TENM2: variants seen among roughly 807,000 people sequenced by gnomAD.
The protein encoded by TENM2 is teneurin-2.
Under a neutral mutation model 245.2 loss-of-function variants are expected in TENM2, and 52 were observed. The observed-to-expected ratio is 0.21, with a 90% confidence interval of 0.17 to 0.27. TENM2 has a LOEUF of 0.27. Among genes scored for constraint, TENM2 ranks in the 10% least tolerant of loss-of-function variants. The pLI, the probability that TENM2 is intolerant of heterozygous loss-of-function variation, is 1.00. For missense variants in TENM2, 3,046 were observed against 3,666.8 expected, an observed-to-expected ratio of 0.83 and a Z score of 4.37; for synonymous variants, 1,363 against 1,438.9, an observed-to-expected ratio of 0.95 and a Z score of 1.19.
chr5:167,435,254 A>T (rs1764479387), intron 2 of TENM2, among the ~76,000 whole-genome samples: 2 of 152,222 alleles, frequency 1.3e-5, no homozygotes, highest in Non-Finnish European at 2.9e-5. Context: ...CCCAAGTCTC[A>T]TCTTGAACTG....
At chr5:168,009,931 C>T (rs1045705694) in intron 5 of TENM2, among the ~76,000 whole-genome samples, 13 of 152,138 alleles carry the variant, frequency 8.5e-5, no homozygotes, top group Non-Finnish European at 1.9e-4. Context: ...CATTTCTAAG[C>T]TCAGTTAGGT....
At chr5:167,135,850 A>G in the TENM2 span, among the ~76,000 whole-genome samples, 2 of 152,238 alleles carry the variant, frequency 1.3e-5, no homozygotes, top group African/African-American at 4.8e-5. Context: ...ATATTCTTGC[A>G]GAACCATATA....
intron 2 of TENM2, among the ~76,000 whole-genome samples, chr5:167,782,625 C>G (rs1232386756): frequency 2.0e-5 from 3 of 152,086 alleles, no homozygotes; most frequent in African/African-American, 7.2e-5. Flanking sequence ...GTTTTTGGCA[C>G]TTGGAGCAAA....
At chr5:167,997,482 T>G (rs953951704) in intron 5 of TENM2, among the ~76,000 whole-genome samples, 1 of 152,168 alleles carries the variant, frequency 6.6e-6, no homozygotes, top group East Asian at 1.9e-4. Flanking sequence ...CCAGTTGTCT[T>G]GTGTTATAGA....
chr5:167,141,282 G>T, the TENM2 span, among the ~76,000 whole-genome samples: 1 of 152,090 alleles, frequency 6.6e-6, no homozygotes, highest in Non-Finnish European at 1.5e-5. Context: ...TAGCAGATGT[G>T]GCCTAAACTA....
intron 2 of TENM2, among the ~76,000 whole-genome samples, chr5:167,664,829 G>T (rs1222944238): frequency 6.6e-6 from 1 of 152,138 alleles, no homozygotes; most frequent in African/African-American, 2.4e-5. Context: ...CTCAAAGGGG[G>T]CATCCCTAAC....
intron 5 of TENM2, among the ~76,000 whole-genome samples, chr5:168,024,253 A>G (rs116709030): frequency 1.2e-3 from 180 of 152,230 alleles, no homozygotes; most frequent in African/African-American, 3.6e-3. Context: ...TGTCGCACCT[A>G]TGCCACCTAC....
chr5:167,517,851 G>A (rs1356837559), intron 2 of TENM2, among the ~76,000 whole-genome samples: 1 of 152,040 alleles, frequency 6.6e-6, no homozygotes. Context: ...TGATGAGGGG[G>A]GTTGATGGAG....
At chr5:167,622,275 C>A (rs1311955591) in intron 2 of TENM2, among the ~76,000 whole-genome samples, 1 of 152,114 alleles carries the variant, frequency 6.6e-6, no homozygotes, top group Non-Finnish European at 1.5e-5. Context: ...ACCATCAAAC[C>A]TCTGAAATCC....
chr5:167,057,739 C>T, the TENM2 span, among the ~76,000 whole-genome samples: 2 of 152,258 alleles, frequency 1.3e-5, no homozygotes, highest in Admixed American at 1.3e-4. Flanking sequence ...TCAGAGCAGA[C>T]CTTGTTAAGA....
the TENM2 span, among the ~76,000 whole-genome samples, chr5:167,133,618 G>GTAAA: frequency 1.4e-5 from 2 of 139,112 alleles, no homozygotes; most frequent in African/African-American, 5.3e-5. Context: ...CTCAAACTTG[G>GTAAA]AAAAAAAAAA....
chr5:167,123,624 C>G, the TENM2 span, among the ~76,000 whole-genome samples: 9 of 152,146 alleles, frequency 5.9e-5, no homozygotes, highest in Admixed American at 5.9e-4. Flanking sequence ...TAGGAAAACC[C>G]ACTCTAAAGG....
intron 1 of TENM2, among the ~76,000 whole-genome samples, chr5:167,339,291 C>T (rs146061100): frequency 2.0e-3 from 301 of 152,286 alleles, no homozygotes; most frequent in African/African-American, 6.9e-3. Flanking sequence ...TAGACTAAAA[C>T]TTCCCATTCC....
the TENM2 span, among the ~76,000 whole-genome samples, chr5:167,191,989 T>G: frequency 1.3e-5 from 2 of 152,068 alleles, no homozygotes; most frequent in Non-Finnish European, 2.9e-5. Flanking sequence ...GACTTCACAG[T>G]ATTGAAAGGA....
At chr5:167,947,508 A>C (rs1023829124) in intron 3 of TENM2, among the ~76,000 whole-genome samples, 1 of 152,168 alleles carries the variant, frequency 6.6e-6, no homozygotes, top group Non-Finnish European at 1.5e-5. Context: ...ACTAGCCTGA[A>C]CATCTGCAAC....
intron 2 of TENM2, among the ~76,000 whole-genome samples, chr5:167,663,609 T>G (rs968561768): frequency 3.9e-5 from 6 of 152,166 alleles, no homozygotes; most frequent in Admixed American, 6.6e-5. Flanking sequence ...AGGATTCAGA[T>G]TACTGTCCCA....
At chr5:168,180,722 C>T (rs1256308167) in intron 13 of TENM2, among the ~76,000 whole-genome samples, 1 of 151,994 alleles carries the variant, frequency 6.6e-6, no homozygotes, top group Non-Finnish European at 1.5e-5. Context: ...ATGGTGAAAC[C>T]CTGTCTCTAC....
Position 168,244,289 on chromosome 5 carries a change from T to C in TENM2, c.5521-131T>C. The C allele has an allele frequency of 1.3e-6, 1 of 777,096 alleles. No homozygotes were observed. Among genetic ancestry groups the C allele is most frequent in the Non-Finnish European group, 1.9e-6 (1 of 535,142 alleles). 48.1% of individuals were successfully genotyped at this position (777,096 alleles called of 1,614,324 possible). On this transcript the variant is annotated intron_variant, in intron 25 of 28. Transcript: ENST00000518659. This position sits in a 1 kb window ranked among gnomAD's most constrained non-coding sequence, Gnocchi z 4.9. ...TGATAAGGAGCTTAGAAAGCACTAC[T>C]CTAACTTTGGGGTTATTTCTTCCTC... is the stretch of plus-strand genomic sequence containing the variant.
At chr5:167,916,288 T>C (rs1205349931) in intron 3 of TENM2, among the ~76,000 whole-genome samples, 1 of 152,162 alleles carries the variant, frequency 6.6e-6, no homozygotes, top group Non-Finnish European at 1.5e-5. Context: ...CAGCTCCGAA[T>C]CCATTGAAAG....
Sources: allele counts gnomAD v4.1 joint callset (sites outside exome capture counted in the v4.1 genomes callset), GRCh38; gene constraint gnomAD v4.1.1; non-coding constraint Gnocchi (gnomAD v3.1); transcripts MANE v1.5; gene names NCBI Gene and HGNC (gene_info 2026-07-23, HGNC 2026-07-21).